The following TLN2 variants were observed in gnomAD, a reference collection of about 807,000 sequenced individuals.
The protein encoded by TLN2 is talin-2.
A neutral mutation model predicts 294.7 loss-of-function variants in TLN2; 118 were observed. That is an observed-to-expected ratio of 0.40 (90% CI 0.34 to 0.47). The LOEUF (loss-of-function observed/expected upper bound fraction) is 0.47, where lower values mean the gene tolerates loss of function less well. Ranked by LOEUF, TLN2 falls within the 20% of genes least tolerant of loss-of-function variation. The pLI is 0.84. For missense variants in TLN2, 3,083 were observed against 3,282.2 expected, an observed-to-expected ratio of 0.94 and a Z score of 1.48; for synonymous variants, 1,431 against 1,304.5, an observed-to-expected ratio of 1.10 and a Z score of -2.09.
Position 62,708,735 on chromosome 15 carries a change from C to T in TLN2, c.2406C>T (p.Asp802=), listed in dbSNP as rs765287495. ...GAGGCGAGCCCATCGGCCGCTACGA[C>T]CAGGCTACTGACACCATCATGTGTG... ...ASRGEPIGRY[D]QATDTIMCVT... Residue 802 remains aspartate, a synonymous_variant, in exon 21 of 59, where the codon GAC becomes GAT. Transcript: ENST00000636159. 6.2e-7 allele frequency: 1 copy of T among 1,611,564 alleles called. No homozygotes were observed. Among genetic ancestry groups the T allele is most frequent in the African/African-American group, 1.3e-5 (1 of 75,030 alleles).
intron 46 of TLN2, among the ~76,000 whole-genome samples, chr15:62,795,134 T>C (rs1022487897): frequency 3.3e-5 from 5 of 152,102 alleles, no homozygotes; most frequent in Non-Finnish European, 4.4e-5. Context: ...GCAGGCTGCT[T>C]GAGGCACAGG....
intron 1 of TLN2, among the ~76,000 whole-genome samples, chr15:62,401,979 C>T (rs919958830): frequency 2.6e-5 from 4 of 152,166 alleles, no homozygotes; most frequent in African/African-American, 9.7e-5. Flanking sequence ...CTGCAATGCA[C>T]AGGACAGCCC....
intron 52 of TLN2, among the ~76,000 whole-genome samples, chr15:62,810,719 G>A (rs1383366916): frequency 1.3e-5 from 2 of 152,134 alleles, no homozygotes; most frequent in Admixed American, 6.6e-5. Context: ...CAAGAAGTAG[G>A]TACAGTGTGT....
At chr15:62,693,009 G>A (rs1298692558) in intron 13 of TLN2, 68 bp downstream of exon 13, 1 of 1,376,492 alleles carries the variant, frequency 7.3e-7, no homozygotes, top group Non-Finnish European at 1.0e-6. Flanking sequence ...TCGATGACGT[G>A]GCTACCTTGA....
At chr15:62,393,024 A>G (rs1300011978) in intron 1 of TLN2, among the ~76,000 whole-genome samples, 1 of 152,096 alleles carries the variant, frequency 6.6e-6, no homozygotes, top group Non-Finnish European at 1.5e-5. Flanking sequence ...GCACTAGAAT[A>G]GTGGAAAACA....
chr15:62,772,166 A>G (rs931111003), intron 42 of TLN2, among the ~76,000 whole-genome samples: 1 of 152,150 alleles, frequency 6.6e-6, no homozygotes. Flanking sequence ...TATGTTGCCC[A>G]GGCTCATCTC....
chr15:62,705,206 G>A lies in TLN2; in HGVS notation c.2005-1880G>A, dbSNP rs1331962964. 2.0e-5 allele frequency among the ~76,000 whole-genome samples: 3 copies of A among 152,192 alleles called. No individual in the cohort carries two copies. The East Asian group carries it at 5.8e-4, about 29-fold the overall frequency. On this transcript the variant is annotated intron_variant, in intron 19 of 58. Transcript: ENST00000636159. ...ACAGAGCCTTTGTTAGCAGGGACAGGCCAGACTTGAATGTTTTCAATTGTT... is the reference window on the plus strand; with the variant it reads ...ACAGAGCCTTTGTTAGCAGGGACAGACCAGACTTGAATGTTTTCAATTGTT...
chr15:62,716,160 G>A (rs1205332759), intron 22 of TLN2, among the ~76,000 whole-genome samples, 171 bp from the exon 23 acceptor site: 1 of 152,140 alleles, frequency 6.6e-6, no homozygotes, highest in Middle Eastern at 3.2e-3. Context: ...AACATCCCCT[G>A]GTAGGTATTT....
At chr15:62,704,160 T>TAA (rs1204502454) in intron 19 of TLN2, among the ~76,000 whole-genome samples, 1 of 152,074 alleles carries the variant, frequency 6.6e-6, no homozygotes, top group Non-Finnish European at 1.5e-5. Flanking sequence ...TTTATATATA[T>TAA]AATGAAATAT....
chr15:62,510,952 G>C lies in TLN2; in HGVS notation c.-237-78735G>C, dbSNP rs148651745. 2.9e-3 allele frequency among the ~76,000 whole-genome samples: 437 copies of C among 152,318 alleles called. 4 individuals carry two copies. The highest frequency in any genetic ancestry group is 1.0e-2 in the African/African-American group (415 of 41,580). On this transcript the variant is annotated intron_variant, in intron 1 of 58. Coordinates refer to ENST00000636159, the MANE Select transcript of TLN2 (RefSeq NM_015059.3). ...GTTAAGACACAAAGATTGTCCTTTG[G>C]CCCCAAGTACAATTCGAAAGCATTT...
chr15:62,580,414 C>T (rs557732326), intron 1 of TLN2, among the ~76,000 whole-genome samples: 6 of 143,696 alleles, frequency 4.2e-5, no homozygotes, highest in African/African-American at 1.3e-4. Flanking sequence ...CTCCCTCCCT[C>T]CCTCCCTCCC....
chr15:62,554,007 T>C (rs981358825), intron 1 of TLN2, among the ~76,000 whole-genome samples: 3 of 152,032 alleles, frequency 2.0e-5, no homozygotes, highest in African/African-American at 7.2e-5. Flanking sequence ...AGTTTTATTA[T>C]TTTCTTTCAC....
chr15:62,484,115 C>T (rs568511759), intron 1 of TLN2, among the ~76,000 whole-genome samples: 35 of 152,044 alleles, frequency 2.3e-4, no homozygotes, highest in Non-Finnish European at 4.6e-4. Context: ...ATCTGGAAGG[C>T]GGCTCTGGTG....
chr15:62,564,915 A>AT (rs1555430800), intron 1 of TLN2, among the ~76,000 whole-genome samples: 14 of 123,942 alleles, frequency 1.1e-4, no homozygotes, highest in East Asian at 4.0e-4. Flanking sequence ...CAAAAAAAAA[A>AT]AAAAAAAAAA....
intron 1 of TLN2, among the ~76,000 whole-genome samples, chr15:62,554,815 T>G (rs141742224): frequency 3.8e-4 from 58 of 152,248 alleles, no homozygotes; most frequent in African/African-American, 1.3e-3. Flanking sequence ...ACCACTTACG[T>G]GATAACTTTG....
At chr15:62,717,772 T>A in intron 24 of TLN2, 83 bp downstream of exon 24, 1 of 978,112 alleles carries the variant, frequency 1.0e-6, no homozygotes, top group Non-Finnish European at 1.4e-6. Context: ...GGTAGTTCAG[T>A]AAAGACAGAT....
intron 1 of TLN2, chr15:62,453,883 C>T (rs2036305037): frequency 6.5e-6 from 1 of 153,932 alleles, no homozygotes; most frequent in South Asian, 2.0e-4. Flanking sequence ...TGATAGTTCT[C>T]AGGGTTTGCA....
chr15:62,699,820 A>T (rs1237770964), intron 16 of TLN2, among the ~76,000 whole-genome samples: 2 of 152,230 alleles, frequency 1.3e-5, no homozygotes, highest in Non-Finnish European at 2.9e-5. Flanking sequence ...CCAAAGCACC[A>T]GTTCTGACCA....
In TLN2 at chr15:62,753,895, C is replaced by T. The variant is rs757533089; in HGVS notation, c.4455C>T (p.Asp1485=). The T allele has an allele frequency of 1.5e-5, 24 of 1,606,396 alleles. 1 individual carries two copies. Among genetic ancestry groups the T allele is most frequent in the Admixed American group, 3.4e-5 (2 of 59,040 alleles). The change falls in exon 36 of 59, where the codon GAC becomes GAT. Residue 1485 remains aspartate (D), a synonymous_variant. Coordinates refer to ENST00000636159, the MANE Select transcript of TLN2 (RefSeq NM_015059.3). ...AGATGGCATGCCAGAACTTGGTGGA[C>T]CCTGGCAGCAGCCCATCACAGGTAA... ...AIQMACQNLV[D]PGSSPSQVLS...
Sources: allele counts gnomAD v4.1 joint callset (sites outside exome capture counted in the v4.1 genomes callset), GRCh38; gene constraint gnomAD v4.1.1; transcripts MANE v1.5; gene names NCBI Gene and HGNC (gene_info 2026-07-23, HGNC 2026-07-21).